Variants in TMEM177 observed in about 807,000 individuals in gnomAD.
The protein encoded by TMEM177 is transmembrane protein 177.
TMEM177 carries 4 observed loss-of-function variants against 14.2 expected under a neutral mutation model. That is an observed-to-expected ratio of 0.28 (90% CI 0.14 to 0.64). TMEM177 has a LOEUF of 0.64. Among genes scored for constraint, TMEM177 ranks in the 30% least tolerant of loss-of-function variants. The pLI, the probability that TMEM177 is intolerant of heterozygous loss-of-function variation, is 0.82. For missense variants in TMEM177, 344 were observed against 405.2 expected (o/e 0.85, Z 1.30); for synonymous variants, 179 against 174.5 (o/e 1.03, Z -0.20).
chr2:119,685,979 T>A, downstream of TMEM177: 1 of 453,770 alleles, frequency 2.2e-6, no homozygotes, highest in Non-Finnish European at 3.9e-6. Flanking sequence ...CCATGTTTAG[T>A]GCAGCAGGGG....
At chr2:119,704,352 C>T in the TMEM177 span, among the ~76,000 whole-genome samples, 1 of 152,154 alleles carries the variant, frequency 6.6e-6, no homozygotes, top group Non-Finnish European at 1.5e-5. Context: ...GTAATCCCAG[C>T]AGTTTGGGAG....
At chr2:119,698,135 C>T in the TMEM177 span, among the ~76,000 whole-genome samples, 3 of 152,132 alleles carry the variant, frequency 2.0e-5, no homozygotes, top group East Asian at 1.9e-4. Flanking sequence ...AAAGTCTCCC[C>T]GGTAATCTCT....
chr2:119,696,535 C>T, the TMEM177 span, among the ~76,000 whole-genome samples: 1 of 152,178 alleles, frequency 6.6e-6, no homozygotes, highest in Admixed American at 6.5e-5. Context: ...CTCTTATATT[C>T]TAGTGAGAGG....
the TMEM177 span, among the ~76,000 whole-genome samples, chr2:119,720,766 A>C: frequency 6.6e-6 from 1 of 152,190 alleles, no homozygotes; most frequent in Non-Finnish European, 1.5e-5. Flanking sequence ...CTTATTGTTT[A>C]AGTTATTTTT....
the TMEM177 span, among the ~76,000 whole-genome samples, chr2:119,723,049 G>A: frequency 6.6e-6 from 1 of 152,046 alleles, no homozygotes. Flanking sequence ...GTTTTCTCAG[G>A]CCTAATTCTC....
the TMEM177 span, among the ~76,000 whole-genome samples, chr2:119,713,820 T>C: frequency 6.6e-6 from 1 of 152,006 alleles, no homozygotes; most frequent in South Asian, 2.1e-4. Context: ...GGTGACAGAG[T>C]GAGGCCATGT....
chr2:119,694,309 C>T, the TMEM177 span, among the ~76,000 whole-genome samples: 2 of 149,520 alleles, frequency 1.3e-5, no homozygotes, highest in African/African-American at 5.0e-5. Flanking sequence ...CACACTATAC[C>T]TCCACACACA....
downstream of TMEM177, chr2:119,686,216 A>T (rs2104854764): frequency 6.5e-6 from 1 of 153,072 alleles, no homozygotes; most frequent in East Asian, 1.9e-4. Flanking sequence ...TGACGATGAA[A>T]GTGAAAGAAA....
At chr2:119,680,442 A>G (rs1012858627) in intron 1 of TMEM177, among the ~76,000 whole-genome samples, 1 of 152,202 alleles carries the variant, frequency 6.6e-6, no homozygotes, top group Non-Finnish European at 1.5e-5. Flanking sequence ...TTCCTTATAA[A>G]TTAGTAATCA....
chr2:119,687,648 G>A (rs1252465633), downstream of TMEM177, among the ~76,000 whole-genome samples: 2 of 152,078 alleles, frequency 1.3e-5, no homozygotes, highest in Non-Finnish European at 2.9e-5. Flanking sequence ...GGGATTATGG[G>A]ATTACAATTC....
chr2:119,693,185 C>T, the TMEM177 span, among the ~76,000 whole-genome samples: 8 of 152,026 alleles, frequency 5.3e-5, no homozygotes, highest in African/African-American at 1.9e-4. Flanking sequence ...AGGCCGTGGC[C>T]GCAGTGAGGA....
the TMEM177 span, among the ~76,000 whole-genome samples, chr2:119,708,248 C>A: frequency 6.6e-6 from 1 of 152,270 alleles, no homozygotes; most frequent in East Asian, 1.9e-4. Context: ...ACCCAAACAC[C>A]CATCTCTTAG....
At chr2:119,705,619 C>CGT in the TMEM177 span, among the ~76,000 whole-genome samples, 779 of 139,244 alleles carry the variant, frequency 5.6e-3, 3 homozygotes, top group African/African-American at 0.012. Flanking sequence ...CACTCAGATC[C>CGT]GTGTGTGTGT....
chr2:119,697,571 G>A, the TMEM177 span, among the ~76,000 whole-genome samples: 1 of 151,922 alleles, frequency 6.6e-6, no homozygotes, highest in African/African-American at 2.4e-5. Context: ...CGAAGTCCAG[G>A]CTATTCTTTC....
the TMEM177 span, among the ~76,000 whole-genome samples, chr2:119,714,280 G>C: frequency 1.3e-5 from 2 of 152,228 alleles, no homozygotes; most frequent in African/African-American, 2.4e-5. Flanking sequence ...CCGATCTGCT[G>C]TAGGATGGCA....
chr2:119,696,844 A>G, the TMEM177 span, among the ~76,000 whole-genome samples: 4 of 152,116 alleles, frequency 2.6e-5, no homozygotes, highest in Non-Finnish European at 5.9e-5. Flanking sequence ...GGAGAAGTGG[A>G]AATGACGTTG....
chr2:119,721,882 G>T, the TMEM177 span, among the ~76,000 whole-genome samples: 115 of 152,190 alleles, frequency 7.6e-4, no homozygotes, highest in Middle Eastern at 6.8e-3. Context: ...TGTCATCCTA[G>T]ACCTAAGACA....
rs558166144 is a variant in TMEM177, at chr2:119,680,981, A to G, written c.128A>G (p.Gln43Arg). The G allele has an allele frequency of 1.2e-4, 190 of 1,614,154 alleles. 3 individuals carry two copies. In the South Asian group the frequency reaches 1.9e-3, roughly 17 times the overall value. Residue 43 changes from glutamine to arginine, a missense_variant, in exon 2 of 2, where the codon CAA becomes CGA. Coordinates refer to ENST00000272521, the MANE Select transcript of TMEM177 (RefSeq NM_030577.3). ...SYHLFPDPVV[Q>R]WLYQYWPQGQ... ...CACCTCTTCCCGGATCCCGTGGTCC[A>G]ATGGCTCTACCAGTACTGGCCTCAG...
downstream of TMEM177, among the ~76,000 whole-genome samples, chr2:119,683,075 GTA>G (rs1688943497): frequency 6.6e-6 from 1 of 152,220 alleles, no homozygotes; most frequent in African/African-American, 2.4e-5. Context: ...CCCTGGGAAA[GTA>G]TTTGAACACA....
Sources: allele counts gnomAD v4.1 joint callset (sites outside exome capture counted in the v4.1 genomes callset), GRCh38; gene constraint gnomAD v4.1.1; transcripts MANE v1.5; gene names NCBI Gene and HGNC (gene_info 2026-07-23, HGNC 2026-07-21).